Variants in ADAMTS6 observed in about 807,000 individuals in gnomAD.
The protein encoded by ADAMTS6 is A disintegrin and metalloproteinase with thrombospondin motifs 6.
Under a neutral mutation model 144.3 loss-of-function variants are expected in ADAMTS6, and 23 were observed. The ratio of observed to expected loss-of-function variants is 0.16; its 90% CI spans 0.11 to 0.23. The LOEUF (loss-of-function observed/expected upper bound fraction) is 0.23. Among genes scored for constraint, ADAMTS6 ranks in the 10% least tolerant of loss-of-function variants. The pLI is 1.00. For missense variants in ADAMTS6, 999 were observed against 1,379.6 expected (o/e 0.72, Z 4.37); for synonymous variants, 444 against 457.5 (o/e 0.97, Z 0.38).
chr5:65,302,152 TATA>T (rs1215995219), intron 9 of ADAMTS6, among the ~76,000 whole-genome samples: 1 of 144,060 alleles, frequency 6.9e-6, no homozygotes, highest in East Asian at 2.0e-4. Flanking sequence ...TATATTTACA[TATA>T]ATATATATTT....
intron 18 of ADAMTS6, among the ~76,000 whole-genome samples, chr5:65,217,108 A>G (rs1285166142): frequency 1.3e-5 from 2 of 152,192 alleles, no homozygotes; most frequent in African/African-American, 4.8e-5. Flanking sequence ...AACTTCAGAC[A>G]TGTTTTGAAG....
At position 65,197,257 on chromosome 5, in the gene ADAMTS6, G is replaced by A. The variant is rs182113991; in HGVS notation, c.2576-106C>T. ...GAATTGACCTCACTGGATCGCTGCC[G>A]TCTTATCTGTTCCACATTGGACTGC... On this transcript the variant is annotated intron_variant, in intron 20 of 24. Transcript: ENST00000381055. The A allele has an allele frequency of 2.3e-4, 269 of 1,144,740 alleles. 1 individual carries two copies. In the African/African-American group the frequency reaches 3.4e-3, roughly 15 times the overall value. 70.9% of individuals were successfully genotyped at this position (1,144,740 alleles called of 1,614,324 possible).
At chr5:65,185,627 T>C (rs1393247145) in intron 22 of ADAMTS6, among the ~76,000 whole-genome samples, 1 of 152,162 alleles carries the variant, frequency 6.6e-6, no homozygotes. Flanking sequence ...ATTAAAAGTG[T>C]CCTCAGCTTA....
intron 20 of ADAMTS6, among the ~76,000 whole-genome samples, chr5:65,211,808 A>T (rs753261006): frequency 6.6e-6 from 1 of 152,170 alleles, no homozygotes; most frequent in Non-Finnish European, 1.5e-5. Context: ...TAATTGCCAA[A>T]ATTAATTCCT....
intron 24 of ADAMTS6, among the ~76,000 whole-genome samples, chr5:65,158,694 AG>A (rs1384800329): frequency 2.0e-5 from 3 of 152,180 alleles, no homozygotes; most frequent in Admixed American, 6.5e-5. Context: ...GCAGCAACAT[AG>A]TGTTACCCTC....
intron 9 of ADAMTS6, among the ~76,000 whole-genome samples, chr5:65,319,713 AGGGAAGGGAGGG>A (rs1745371941): frequency 3.0e-5 from 1 of 32,962 alleles, no homozygotes; most frequent in Admixed American, 4.3e-4. Context: ...GGAGGGAGGG[AGGGAAGGGAGGG>A]AGGGAGGGAG....
At chr5:65,473,195 G>A (rs1486589529) in intron 2 of ADAMTS6, among the ~76,000 whole-genome samples, 4 of 152,078 alleles carry the variant, frequency 2.6e-5, no homozygotes, top group Non-Finnish European at 5.9e-5. Context: ...TATTAAAAGG[G>A]TCCTGTATCA....
At chr5:65,317,565 C>T (rs917970917) in intron 9 of ADAMTS6, among the ~76,000 whole-genome samples, 2 of 152,102 alleles carry the variant, frequency 1.3e-5, no homozygotes, top group African/African-American at 4.8e-5. Context: ...AATGGGATCA[C>T]ATCAAGTTAA....
chr5:65,305,868 G>A (rs1049130806), intron 9 of ADAMTS6, among the ~76,000 whole-genome samples: 7 of 152,034 alleles, frequency 4.6e-5, no homozygotes, highest in Non-Finnish European at 7.4e-5. Flanking sequence ...AGAGACAGTC[G>A]TCCTTGGGCC....
intron 14 of ADAMTS6, among the ~76,000 whole-genome samples, chr5:65,258,209 A>T (rs1760861046): frequency 6.6e-6 from 1 of 152,116 alleles, no homozygotes; most frequent in South Asian, 2.1e-4. Flanking sequence ...CAGTACTCAG[A>T]ATGGTCTCAT....
chr5:65,277,306 C>T (rs1762618840), intron 11 of ADAMTS6, among the ~76,000 whole-genome samples: 1 of 152,190 alleles, frequency 6.6e-6, no homozygotes, highest in South Asian at 2.1e-4. Flanking sequence ...ACTTAGAATT[C>T]ATGGGCACTT....
intron 23 of ADAMTS6, 150 bp downstream of exon 23, chr5:65,172,682 G>T (rs201311736): frequency 2.3e-6 from 2 of 881,726 alleles, no homozygotes; most frequent in South Asian, 3.6e-5. Flanking sequence ...GCTGTGGTTT[G>T]TGCACTGTTT....
At chr5:65,472,671 T>C (rs1373099738) in intron 2 of ADAMTS6, among the ~76,000 whole-genome samples, 4 of 152,176 alleles carry the variant, frequency 2.6e-5, no homozygotes, top group Non-Finnish European at 5.9e-5. Flanking sequence ...CTTATTTGCC[T>C]CAGTGTCTAT....
chr5:65,329,296 G>T, intron 9 of ADAMTS6, 82 bp downstream of exon 9: 2 of 1,254,184 alleles, frequency 1.6e-6, no homozygotes, highest in Non-Finnish European at 1.1e-6. Context: ...ATAAGGTTCA[G>T]CACAGCCTTT....
At chr5:65,469,305 A>C (rs1261388963) in intron 3 of ADAMTS6, among the ~76,000 whole-genome samples, 1 of 152,096 alleles carries the variant, frequency 6.6e-6, no homozygotes, top group Non-Finnish European at 1.5e-5. Context: ...TCATATCTAC[A>C]ATCACTCTTC....
intron 9 of ADAMTS6, among the ~76,000 whole-genome samples, chr5:65,311,650 T>TC (rs1335200905): frequency 1.3e-5 from 2 of 152,124 alleles, no homozygotes; most frequent in Non-Finnish European, 2.9e-5. Flanking sequence ...TATTATATGA[T>TC]CCCCCCTAAC....
intron 3 of ADAMTS6, among the ~76,000 whole-genome samples, chr5:65,464,712 C>CT (rs1759872754): frequency 6.6e-6 from 1 of 152,130 alleles, no homozygotes; most frequent in South Asian, 2.1e-4. Flanking sequence ...CTCACCTTAC[C>CT]TTTTACACCA....
intron 3 of ADAMTS6, among the ~76,000 whole-genome samples, chr5:65,470,129 G>C (rs1760321118): frequency 6.6e-6 from 1 of 152,022 alleles, no homozygotes; most frequent in Admixed American, 6.6e-5. Flanking sequence ...TCGCCATGCT[G>C]CCCAGGCTGG....
intron 7 of ADAMTS6, among the ~76,000 whole-genome samples, chr5:65,388,797 C>G (rs1752676316): frequency 6.6e-6 from 1 of 152,194 alleles, no homozygotes; most frequent in Admixed American, 6.5e-5. Flanking sequence ...CTGGGTGGCA[C>G]TGTCCCCAAA....
Sources: allele counts gnomAD v4.1 joint callset (sites outside exome capture counted in the v4.1 genomes callset), GRCh38; gene constraint gnomAD v4.1.1; transcripts MANE v1.5; gene names NCBI Gene and HGNC (gene_info 2026-07-23, HGNC 2026-07-21).